Variants in EXOC6 observed in about 807,000 individuals in gnomAD.
The protein encoded by EXOC6 is exocyst complex component 6.
A neutral mutation model predicts 112.5 loss-of-function variants in EXOC6; 60 were observed. The observed-to-expected ratio is 0.53, with a 90% CI of 0.43 to 0.66. EXOC6 has a LOEUF of 0.66. Ranked by LOEUF, EXOC6 falls within the 30% of genes least tolerant of loss-of-function variation. The pLI, the probability that EXOC6 is intolerant of heterozygous loss-of-function variation, is 0.00. For missense variants in EXOC6, 855 were observed against 957.1 expected, an observed-to-expected ratio of 0.89 and a Z score of 1.41; for synonymous variants, 295 against 308.0, an observed-to-expected ratio of 0.96 and a Z score of 0.44.
intron 20 of EXOC6, among the ~76,000 whole-genome samples, chr10:93,045,373 TG>T (rs1465806576): frequency 2.6e-5 from 4 of 152,174 alleles, no homozygotes; most frequent in African/African-American, 9.7e-5. Flanking sequence ...ACCATTGAGG[TG>T]GGGCAAGAGG....
At chr10:92,954,799 AT>A (rs1414085139) in intron 16 of EXOC6, 58 bp downstream of exon 16, 9 of 755,560 alleles carry the variant, frequency 1.2e-5, no homozygotes, top group Non-Finnish European at 1.8e-5. Context: ...ATTATTTTAA[AT>A]TATTGCTGAA....
At chr10:93,019,585 A>G (rs1844689539) in intron 20 of EXOC6, among the ~76,000 whole-genome samples, 1 of 152,180 alleles carries the variant, frequency 6.6e-6, no homozygotes, top group African/African-American at 2.4e-5. Flanking sequence ...GATTTGACTA[A>G]AATGTCATGT....
At chr10:92,987,196 A>G (rs2134141703) in intron 18 of EXOC6, among the ~76,000 whole-genome samples, 1 of 152,290 alleles carries the variant, frequency 6.6e-6, no homozygotes, top group Non-Finnish European at 1.5e-5. Context: ...AGACCTAACA[A>G]CTAAAATTTT....
intron 13 of EXOC6, among the ~76,000 whole-genome samples, chr10:92,945,850 C>T (rs1253275494): frequency 6.6e-6 from 1 of 152,148 alleles, no homozygotes; most frequent in Non-Finnish European, 1.5e-5. Context: ...TAACGTTTTA[C>T]TTTATTTTTA....
intron 1 of EXOC6, among the ~76,000 whole-genome samples, chr10:92,874,809 C>G (rs1225427160): frequency 2.0e-5 from 3 of 152,190 alleles, no homozygotes; most frequent in East Asian, 1.9e-4. Context: ...TGTCTTCATC[C>G]TTTTGTGAAG....
At chr10:93,023,767 T>A (rs929334472) in intron 20 of EXOC6, among the ~76,000 whole-genome samples, 1 of 152,238 alleles carries the variant, frequency 6.6e-6, no homozygotes, top group African/African-American at 2.4e-5. Flanking sequence ...CTTTTGGCAA[T>A]ATATGAAAAC....
intron 1 of EXOC6, among the ~76,000 whole-genome samples, chr10:92,875,745 T>C (rs994650637): frequency 8.5e-5 from 13 of 152,158 alleles, no homozygotes; most frequent in Non-Finnish European, 1.5e-4. Flanking sequence ...AAAGTGGACA[T>C]GTACTAAATA....
intron 4 of EXOC6, 42 bp from the exon 5 acceptor site, chr10:92,899,555 TTC>T: frequency 7.5e-7 from 1 of 1,338,990 alleles, no homozygotes; most frequent in East Asian, 2.4e-5. Context: ...TCAAAATATT[TTC>T]TTTTCATTTT....
chr10:92,890,822 CAA>C (rs1195630687), intron 1 of EXOC6, among the ~76,000 whole-genome samples: 1 of 152,118 alleles, frequency 6.6e-6, no homozygotes, highest in Non-Finnish European at 1.5e-5. Flanking sequence ...AGTGAGGTAA[CAA>C]GAGGCAAAAT....
intron 18 of EXOC6, among the ~76,000 whole-genome samples, chr10:92,992,248 A>G (rs1237874744): frequency 1.6e-5 from 2 of 126,950 alleles, no homozygotes; most frequent in East Asian, 2.6e-4. Context: ...AGATCCTTCC[A>G]TTGCTCTCCA....
chr10:92,850,154 T>C (rs1420631597), intron 1 of EXOC6, among the ~76,000 whole-genome samples: 3 of 152,230 alleles, frequency 2.0e-5, no homozygotes, highest in Non-Finnish European at 4.4e-5. Context: ...GTGAAAATAG[T>C]ACTGGTTATG....
chr10:92,882,065 T>C (rs893962421), intron 1 of EXOC6, among the ~76,000 whole-genome samples: 1 of 152,168 alleles, frequency 6.6e-6, no homozygotes, highest in African/African-American at 2.4e-5. Context: ...GAGAATGTTA[T>C]GGGAAGGTTG....
intron 10 of EXOC6, 23 bp from the exon 11 acceptor site, chr10:92,934,287 G>T (rs1465905489): frequency 3.8e-6 from 6 of 1,560,648 alleles, no homozygotes; most frequent in South Asian, 1.2e-5. Flanking sequence ...TTTAACACAT[G>T]CTTTGGTAAT....
At chr10:93,007,611 C>G (rs935818707) in intron 19 of EXOC6, among the ~76,000 whole-genome samples, 2 of 152,170 alleles carry the variant, frequency 1.3e-5, no homozygotes, top group Non-Finnish European at 2.9e-5. Context: ...CGAGATCACA[C>G]CACTGCACTC....
chr10:92,986,634 CTAATA>C (rs1391043587), intron 18 of EXOC6, among the ~76,000 whole-genome samples: 2 of 147,516 alleles, frequency 1.4e-5, no homozygotes, highest in African/African-American at 5.0e-5. Context: ...TTTCATTGAC[CTAATA>C]TAATAAAGTT....
chr10:92,981,206 T>C (rs1359065039), intron 18 of EXOC6, among the ~76,000 whole-genome samples: 1 of 152,186 alleles, frequency 6.6e-6, no homozygotes. Context: ...ACATTAAACA[T>C]TCATTCATCA....
chr10:93,003,037 T>C (rs1227535140), intron 19 of EXOC6, among the ~76,000 whole-genome samples: 1 of 152,118 alleles, frequency 6.6e-6, no homozygotes, highest in Non-Finnish European at 1.5e-5. Flanking sequence ...AAAGAAATGC[T>C]GGGCAACTCA....
At chr10:92,951,697 A>G (rs551954061) in intron 14 of EXOC6, among the ~76,000 whole-genome samples, 1 of 152,348 alleles carries the variant, frequency 6.6e-6, no homozygotes, top group Admixed American at 6.5e-5. Flanking sequence ...ATGCATAATG[A>G]CTTACAAAGT....
chr10:92,918,857 T>C (rs966966000), intron 7 of EXOC6, among the ~76,000 whole-genome samples: 4 of 152,214 alleles, frequency 2.6e-5, no homozygotes, highest in Non-Finnish European at 5.9e-5. Context: ...TGTATATATG[T>C]GTATATATGT....
Sources: gnomAD v4.1 joint callset for allele counts (sites outside exome capture counted in the v4.1 genomes callset) on GRCh38, gnomAD v4.1.1 for gene constraint, MANE v1.5 for transcripts, NCBI Gene and HGNC (gene_info 2026-07-23, HGNC 2026-07-21) for gene names.